FABP7: variants seen among roughly 807,000 people sequenced by gnomAD.
FABP7 encodes the protein fatty acid-binding protein, brain.
FABP7 carries 13 observed loss-of-function variants against 14.2 expected under a neutral mutation model. That is an observed-to-expected ratio of 0.91 (90% CI 0.59 to 1.45). FABP7 has a LOEUF of 1.45. Ranked by LOEUF, FABP7 falls within the 40% of genes most tolerant of loss-of-function variation. The probability of loss-of-function intolerance (pLI) is 0.00; values close to 1 mark genes in which losing one functional copy is unlikely to be tolerated. For missense variants in FABP7, 149 were observed against 157.6 expected (o/e 0.95, Z 0.29); for synonymous variants, 49 against 51.4 (o/e 0.95, Z 0.20).
chr6:122,762,014 G>C, the FABP7 span, among the ~76,000 whole-genome samples: 1 of 152,156 alleles, frequency 6.6e-6, no homozygotes, highest in Admixed American at 6.5e-5. Context: ...AATAGAAAAA[G>C]AGGGAATCCT....
chr6:122,773,363 CTT>C, the FABP7 span, among the ~76,000 whole-genome samples: 176 of 152,340 alleles, frequency 1.2e-3, no homozygotes, highest in African/African-American at 4.2e-3. Flanking sequence ...ACTCAGTCCT[CTT>C]TTAGTGAGGT....
At chr6:122,779,941 C>T (rs1178484903) in intron 1 of FABP7, 74 bp downstream of exon 1, 2 of 1,420,864 alleles carry the variant, frequency 1.4e-6, no homozygotes, top group Non-Finnish European at 2.0e-6. Context: ...ATTTTTCACT[C>T]ATCAGGTCAG....
intron 3 of FABP7, chr6:122,782,403 G>A: frequency 1.6e-6 from 1 of 610,152 alleles, no homozygotes. Flanking sequence ...GAGGTTGTTG[G>A]GCTTACAGTT....
At chr6:122,768,668 A>C in the FABP7 span, among the ~76,000 whole-genome samples, 1 of 152,134 alleles carries the variant, frequency 6.6e-6, no homozygotes, top group East Asian at 1.9e-4. Context: ...AATAAATGAA[A>C]ATTGGACCAA....
chr6:122,774,468 T>G, the FABP7 span, among the ~76,000 whole-genome samples: 2 of 151,934 alleles, frequency 1.3e-5, no homozygotes, highest in Non-Finnish European at 2.9e-5. Context: ...CAGTCTCTGC[T>G]TTTTCACTTT....
the FABP7 span, among the ~76,000 whole-genome samples, chr6:122,770,641 A>G: frequency 5.3e-5 from 8 of 152,170 alleles, no homozygotes; most frequent in Non-Finnish European, 8.8e-5. Context: ...GTTCAGCCTT[A>G]CCCCCAGACT....
intron 3 of FABP7, 83 bp from the exon 4 acceptor site, chr6:122,783,634 T>C: frequency 6.6e-7 from 1 of 1,510,756 alleles, no homozygotes; most frequent in Non-Finnish European, 8.8e-7. Context: ...GCATAATACT[T>C]AGATCACATA....
intron 1 of FABP7, 59 bp downstream of exon 1, chr6:122,779,926 A>T: frequency 6.5e-7 from 1 of 1,538,132 alleles, no homozygotes; most frequent in Non-Finnish European, 9.0e-7. Context: ...ATATTTGCAG[A>T]TTCCATTTTT....
chr6:122,758,934 G>A, the FABP7 span, among the ~76,000 whole-genome samples: 1 of 152,160 alleles, frequency 6.6e-6, no homozygotes, highest in African/African-American at 2.4e-5. Flanking sequence ...CAATTAGCAT[G>A]ACTGCTTCTA....
At chr6:122,782,546 A>T (rs894287036) in intron 3 of FABP7, 2 of 984,862 alleles carry the variant, frequency 2.0e-6, no homozygotes, top group African/African-American at 1.7e-5. Context: ...AACTAGGAGA[A>T]ATATTATGCC....
chr6:122,764,633 G>T, the FABP7 span, among the ~76,000 whole-genome samples: 1 of 152,178 alleles, frequency 6.6e-6, no homozygotes, highest in East Asian at 1.9e-4. Context: ...GTTAAAAACT[G>T]CATATCTTCC....
the FABP7 span, among the ~76,000 whole-genome samples, chr6:122,762,770 A>C: frequency 6.6e-6 from 1 of 152,246 alleles, no homozygotes; most frequent in Non-Finnish European, 1.5e-5. Flanking sequence ...GAGCCAAATC[A>C]TGAGTGAACT....
Position 122,781,184 on chromosome 6 carries a change from A to G in FABP7, c.338A>G (p.Lys113Arg). 4 of 1,614,034 alleles carry G rather than the reference A, an allele frequency of 2.5e-6. No homozygotes were observed. The highest frequency in any genetic ancestry group is 3.4e-6 in the Non-Finnish European group (4 of 1,179,956). Residue 113 changes from lysine (K) to arginine (R), a missense_variant, in exon 3 of 4, where the codon AAA becomes AGA. By Grantham distance (26) the Lys-to-Arg change is conservative (BLOSUM62 2). Coordinates refer to ENST00000368444, the MANE Select transcript of FABP7 (RefSeq NM_001446.5). ...TTTGTAAGAGAAATTAAGGATGGCA[A>G]AATGGTTATGGTAAGTAATGACAAT... is the stretch of plus-strand genomic sequence containing the variant. ...TNFVREIKDGKMVMTLTFGDV... is the reference protein window; with the variant it reads ...TNFVREIKDGRMVMTLTFGDV...
In FABP7 at chr6:122,780,423, A is replaced by G. The variant is rs765914717; in HGVS notation, c.206A>G (p.Glu69Gly). Residue 69 changes from glutamate to glycine, a missense_variant, in exon 2 of 4, where the codon GAA (glutamate) becomes GGA (glycine). Coordinates refer to ENST00000368444, the MANE Select transcript of FABP7 (RefSeq NM_001446.5). ...ACGGAGATTAGTTTCCAGCTGGGAGAAGAGTTTGATGAAACCACTGCAGAT... is the reference window on the plus strand; with the variant it reads ...ACGGAGATTAGTTTCCAGCTGGGAGGAGAGTTTGATGAAACCACTGCAGAT... Reference protein sequence around the residue: ...KNTEISFQLGEEFDETTADDR... With the variant: ...KNTEISFQLGGEFDETTADDR... The G allele has an allele frequency of 1.3e-5, 21 of 1,613,794 alleles. No homozygotes were observed. The highest frequency in any genetic ancestry group is 1.7e-5 in the Non-Finnish European group (20 of 1,179,976).
chr6:122,774,817 G>A (rs1582515015), upstream of FABP7, among the ~76,000 whole-genome samples: 1 of 148,372 alleles, frequency 6.7e-6, no homozygotes, highest in Non-Finnish European at 1.5e-5. Flanking sequence ...CAAAGTTGTA[G>A]GATACTAAAT....
the FABP7 span, among the ~76,000 whole-genome samples, chr6:122,752,907 C>T: frequency 6.6e-6 from 1 of 152,166 alleles, no homozygotes; most frequent in Non-Finnish European, 1.5e-5. Flanking sequence ...AGTGGTCTCT[C>T]TCTGGTTTGT....
chr6:122,761,830 A>G, the FABP7 span, among the ~76,000 whole-genome samples: 2 of 152,204 alleles, frequency 1.3e-5, no homozygotes, highest in African/African-American at 4.8e-5. Flanking sequence ...AAAGAAATCA[A>G]TTTTAACTCA....
At chr6:122,773,240 G>A in the FABP7 span, among the ~76,000 whole-genome samples, 10 of 152,126 alleles carry the variant, frequency 6.6e-5, no homozygotes, top group Non-Finnish European at 1.5e-4. Flanking sequence ...GCGCCAAAAT[G>A]TCTACAAATG....
the FABP7 span, among the ~76,000 whole-genome samples, chr6:122,772,290 A>G: frequency 6.6e-6 from 1 of 152,184 alleles, no homozygotes; most frequent in African/African-American, 2.4e-5. Flanking sequence ...CTCAGTCACT[A>G]TGTCAGATCT....
Sources: gnomAD v4.1 joint callset for allele counts (sites outside exome capture counted in the v4.1 genomes callset) on GRCh38, gnomAD v4.1.1 for gene constraint, MANE v1.5 for transcripts, NCBI Gene and HGNC (gene_info 2026-07-23, HGNC 2026-07-21) for gene names.